The following ANXA4 variants were observed in gnomAD, a reference collection of about 807,000 sequenced individuals.
The protein encoded by ANXA4 is 35-beta calcimedin.
In ANXA4, 39 loss-of-function variants were observed where a neutral mutation model predicts 49.8. That is an observed-to-expected ratio of 0.78 (90% CI 0.61 to 1.02). ANXA4 has a LOEUF of 1.02. ANXA4 is among the 50% of genes least tolerant of loss of function. The pLI is 0.00. For synonymous variants in ANXA4, 134 were observed against 152.5 expected, an observed-to-expected ratio of 0.88 and a Z score of 0.89; for missense variants, 360 against 410.1, an observed-to-expected ratio of 0.88 and a Z score of 1.05.
intron 2 of ANXA4, among the ~76,000 whole-genome samples, chr2:69,676,392 G>T (rs1391497777): frequency 6.6e-6 from 1 of 152,152 alleles, no homozygotes; most frequent in African/African-American, 2.4e-5. Flanking sequence ...ACAGAGACTT[G>T]TGAAAACCTA....
chr2:69,811,635 T>C (rs1251451295), intron 7 of ANXA4, among the ~76,000 whole-genome samples: 1 of 152,224 alleles, frequency 6.6e-6, no homozygotes, highest in Non-Finnish European at 1.5e-5. Flanking sequence ...GCTTTTTAGA[T>C]GTTTCATTAC....
intron 1 of ANXA4, among the ~76,000 whole-genome samples, chr2:69,768,437 A>G (rs1044311876): frequency 6.6e-6 from 1 of 152,302 alleles, no homozygotes; most frequent in African/African-American, 2.4e-5. Flanking sequence ...GAAAGGTCGT[A>G]AAGTCTTTAC....
chr2:69,681,476 T>C (rs1450495333), intron 2 of ANXA4, among the ~76,000 whole-genome samples: 3 of 151,802 alleles, frequency 2.0e-5, no homozygotes, highest in African/African-American at 7.3e-5. Context: ...GCAATTCTCC[T>C]GCCTCAGCCT....
intron 1 of ANXA4, among the ~76,000 whole-genome samples, chr2:69,651,646 G>A (rs541967828): frequency 1.3e-5 from 2 of 151,732 alleles, no homozygotes; most frequent in African/African-American, 2.4e-5. Flanking sequence ...GGGACTACAG[G>A]CTCCCACCAC....
chr2:69,735,343 C>G (rs571414218), intron 3 of ANXA4, among the ~76,000 whole-genome samples: 1 of 152,250 alleles, frequency 6.6e-6, no homozygotes, highest in Admixed American at 6.5e-5. Flanking sequence ...CTGCTGATGC[C>G]CAGATGTCTG....
intron 3 of ANXA4, among the ~76,000 whole-genome samples, chr2:69,721,190 C>T (rs890923097): frequency 6.6e-6 from 1 of 152,226 alleles, no homozygotes; most frequent in African/African-American, 2.4e-5. Context: ...CAGTTCCCAC[C>T]ACTGCAGCCA....
At chr2:69,669,699 T>C (rs1421132175) in intron 2 of ANXA4, among the ~76,000 whole-genome samples, 3 of 152,242 alleles carry the variant, frequency 2.0e-5, no homozygotes, top group Non-Finnish European at 4.4e-5. Flanking sequence ...ATATTCTTTA[T>C]TGCAGGACTG....
chr2:69,808,171 G>T, intron 6 of ANXA4, 175 bp downstream of exon 6: 1 of 604,828 alleles, frequency 1.7e-6, no homozygotes, highest in South Asian at 2.0e-5. Context: ...CGGTCTGTTG[G>T]CTCCTTAAGA....
At chr2:69,661,049 A>C (rs997141064) in intron 2 of ANXA4, among the ~76,000 whole-genome samples, 5 of 152,108 alleles carry the variant, frequency 3.3e-5, no homozygotes, top group Non-Finnish European at 7.3e-5. Context: ...GGAAATATAG[A>C]TTACTCACAA....
At chr2:69,752,854 G>A (rs4852993) in intron 1 of ANXA4, among the ~76,000 whole-genome samples, 3 of 152,030 alleles carry the variant, frequency 2.0e-5, no homozygotes, top group East Asian at 1.9e-4. Context: ...CTCTTGCTCC[G>A]TTCATGGTGT....
At chr2:69,651,825 GGGGGC>G (rs200408117) in intron 1 of ANXA4, among the ~76,000 whole-genome samples, 870 of 72,084 alleles carry the variant, frequency 0.012, 55 homozygotes, top group African/African-American at 0.036. Context: ...TTTGGGGGGG[GGGGGC>G]GGGGAGACAG....
chr2:69,804,397 A>G (rs903949979), intron 3 of ANXA4, 136 bp from the exon 4 acceptor site: 5 of 712,732 alleles, frequency 7.0e-6, no homozygotes, highest in Admixed American at 5.6e-5. Context: ...AAAAGTAGAC[A>G]AACCCTCTGA....
In ANXA4 at chr2:69,804,587, G is replaced by A. The variant is rs761374777; in HGVS notation, c.152G>A (p.Arg51His). ...CTTGCCTACCGCAACACCGCCCAGCGCCAGGAGATCAGGACAGCCTACAAG... is the reference window on the plus strand; with the variant it reads ...CTTGCCTACCGCAACACCGCCCAGCACCAGGAGATCAGGACAGCCTACAAG... ...SVLAYRNTAQ[R>H]QEIRTAYKST... is the part of the protein sequence containing the mutation. Residue 51 changes from arginine (R) to histidine (H), a missense_variant, in exon 4 of 13, where the codon CGC becomes CAC. Physicochemically the swap from Arg to His is conservative, Grantham distance 29 (BLOSUM62 0). Transcript: ENST00000394295. 1.3e-5 allele frequency: 21 copies of A among 1,613,670 alleles called. No individual in the cohort carries two copies. Among genetic ancestry groups the A allele is most frequent in the East Asian group, 4.5e-5 (2 of 44,864 alleles).
intron 1 of ANXA4, among the ~76,000 whole-genome samples, chr2:69,769,809 C>T (rs1377832335): frequency 6.6e-6 from 1 of 152,034 alleles, no homozygotes; most frequent in Non-Finnish European, 1.5e-5. Context: ...ATTACAGGCA[C>T]GTGCCACCAC....
intron 12 of ANXA4, among the ~76,000 whole-genome samples, chr2:69,824,139 A>G (rs879786050): frequency 2.6e-5 from 4 of 152,136 alleles, no homozygotes; most frequent in Non-Finnish European, 5.9e-5. Flanking sequence ...CAATTATTAG[A>G]CCACAAAAAT....
intron 1 of ANXA4, among the ~76,000 whole-genome samples, chr2:69,763,950 C>T (rs1402556790): frequency 2.0e-5 from 3 of 152,126 alleles, no homozygotes; most frequent in Non-Finnish European, 4.4e-5. Flanking sequence ...CGTGAGCCAC[C>T]GCACCTGACC....
chr2:69,712,925 A>G (rs1157979745), intron 2 of ANXA4, among the ~76,000 whole-genome samples: 1 of 152,194 alleles, frequency 6.6e-6, no homozygotes, highest in African/African-American at 2.4e-5. Context: ...AGAGAAGATG[A>G]AAACAGGACT....
intron 3 of ANXA4, among the ~76,000 whole-genome samples, chr2:69,733,270 G>C (rs1214605996): frequency 6.6e-6 from 1 of 152,146 alleles, no homozygotes; most frequent in Non-Finnish European, 1.5e-5. Flanking sequence ...TGCTATAACA[G>C]CTGTCATCTT....
chr2:69,731,997 T>TC (rs1383502449), intron 3 of ANXA4, among the ~76,000 whole-genome samples: 1 of 149,514 alleles, frequency 6.7e-6, no homozygotes, highest in African/African-American at 2.5e-5. Flanking sequence ...TTTTTTTTTT[T>TC]TGAGATGGAG....
Sources: allele counts gnomAD v4.1 joint callset (sites outside exome capture counted in the v4.1 genomes callset), GRCh38; gene constraint gnomAD v4.1.1; transcripts MANE v1.5; gene names NCBI Gene and HGNC (gene_info 2026-07-23, HGNC 2026-07-21).